The following TUBGCP2 variants were observed in gnomAD, a reference collection of about 807,000 sequenced individuals.
The protein encoded by TUBGCP2 is gamma-tubulin complex component 2.
Under a neutral mutation model 92.2 loss-of-function variants are expected in TUBGCP2, and 55 were observed. That is an observed-to-expected ratio of 0.60 (90% CI 0.48 to 0.75). The LOEUF (loss-of-function observed/expected upper bound fraction) is 0.75, where lower values mean the gene tolerates loss of function less well. Among genes scored for constraint, TUBGCP2 ranks in the 30% least tolerant of loss-of-function variants. TUBGCP2 has a pLI of 0.00. For synonymous variants in TUBGCP2, 533 were observed against 505.2 expected (o/e 1.06, Z -0.74); for missense variants, 1,093 against 1,188.9 (o/e 0.92, Z 1.19).
chr10:133,309,315 G>T, upstream of TUBGCP2: 2 of 1,531,362 alleles, frequency 1.3e-6, no homozygotes, highest in Non-Finnish European at 1.8e-6. Flanking sequence ...CTGGGGCCAC[G>T]GGTGTGGGCG....
chr10:133,293,262 C>T lies in TUBGCP2; in HGVS notation c.825-24G>A. 3 of 1,610,492 alleles carry T rather than the reference C, an allele frequency of 1.9e-6. No homozygotes were observed. In the South Asian group the frequency reaches 3.3e-5, roughly 18 times the overall value. On this transcript the variant is annotated intron_variant, in intron 6 of 17. Coordinates refer to ENST00000252936, the MANE Select transcript of TUBGCP2 (RefSeq NM_006659.4). ...ACCTGGAAGAAAAGCTGTCAGACTT[C>T]CTCAAAAAGGCAAGCTGCAGGCACA...
chr10:133,310,134 C>G (rs1389882357), upstream of TUBGCP2: 1 of 1,613,032 alleles, frequency 6.2e-7, no homozygotes, highest in East Asian at 2.2e-5. Flanking sequence ...GGCCAGGGGT[C>G]AGAGGGAGGT....
intron 1 of TUBGCP2, among the ~76,000 whole-genome samples, chr10:133,303,986 C>G (rs948500473): frequency 1.3e-5 from 2 of 152,248 alleles, no homozygotes; most frequent in African/African-American, 4.8e-5. Flanking sequence ...TACTCTCCCA[C>G]CAGTGGCTGC....
At chr10:133,283,818 T>G in intron 14 of TUBGCP2, 64 bp downstream of exon 14, 1 of 1,596,250 alleles carries the variant, frequency 6.3e-7, no homozygotes, top group South Asian at 1.1e-5. Flanking sequence ...TCTCCTGCAC[T>G]TCCTGTCTCC....
rs1564772265 is a variant in TUBGCP2, at chr10:133,299,507, C to T, written c.376G>A (p.Ala126Thr). 1.2e-6 allele frequency: 2 copies of T among 1,613,594 alleles called. No homozygotes were observed. The highest frequency in any genetic ancestry group is 1.7e-6 in the Non-Finnish European group (2 of 1,180,000). ...AGCTCCTGCATGGAGATCTTGGAGGCCGCGGCAGGGACGTTGATGCTGGTG... is the reference window on the plus strand; with the variant it reads ...AGCTCCTGCATGGAGATCTTGGAGGTCGCGGCAGGGACGTTGATGCTGGTG... ...STTSINVPAA[A>T]SKISMQELEE... is the part of the protein sequence containing the mutation. Residue 126 changes from alanine (A) to threonine (T), a missense_variant, in exon 4 of 18, where the codon GCC becomes ACC. Physicochemically the swap from Ala to Thr is moderately conservative, Grantham distance 58. This residue lies in a region of TUBGCP2 where 490 missense variants were observed against 488.5 expected (regional missense o/e 1.00). Transcript: ENST00000252936.
intron 5 of TUBGCP2, among the ~76,000 whole-genome samples, chr10:133,294,020 C>T (rs1405286387): frequency 6.6e-6 from 1 of 152,230 alleles, no homozygotes; most frequent in African/African-American, 2.4e-5. Context: ...CTCCGCAATG[C>T]TCAGATACAT....
chr10:133,286,107 G>A (rs140583325), intron 11 of TUBGCP2, among the ~76,000 whole-genome samples: 1 of 152,122 alleles, frequency 6.6e-6, no homozygotes, highest in East Asian at 1.9e-4. Flanking sequence ...ATCGCACAAC[G>A]ACAGGACAGG....
chr10:133,298,625 C>A (rs556388096), intron 4 of TUBGCP2, among the ~76,000 whole-genome samples: 1 of 152,394 alleles, frequency 6.6e-6, no homozygotes, highest in South Asian at 2.1e-4. Context: ...CCAGTGGCCG[C>A]CAGAGGCTGA....
In TUBGCP2 at chr10:133,286,599, C is replaced by T. The variant is rs1356204514; in HGVS notation, c.1723-971G>A. Among the ~76,000 whole-genome samples the T allele has an allele frequency of 4.6e-5, 7 of 152,034 alleles. No homozygotes were observed. In the South Asian group the frequency reaches 1.2e-3, roughly 27 times the overall value. ...CCTCCCGCGCGCACGGAACCGAGGGCACATCCTCCTCCCGCGCGCACGGAA... is the reference window on the plus strand; with the variant it reads ...CCTCCCGCGCGCACGGAACCGAGGGTACATCCTCCTCCCGCGCGCACGGAA... On this transcript the variant is annotated intron_variant, in intron 11 of 17. Coordinates refer to ENST00000252936, the MANE Select transcript of TUBGCP2 (RefSeq NM_006659.4).
Position 133,285,112 on chromosome 10 carries a change from T to C in TUBGCP2, c.1997A>G (p.Lys666Arg). Residue 666 changes from lysine to arginine, a missense_variant, in exon 13 of 18, where the codon AAG (lysine) becomes AGG (arginine). Around this residue, in one of 3 missense-constraint regions of TUBGCP2, gnomAD observed 598 missense variants for 675.5 expected, o/e 0.89. Transcript: ENST00000252936. The surrounding 1 kb of genome is among the most constrained non-coding windows in gnomAD (Gnocchi z 6.8). ...CTGGGCGGAGTGCAGCGAGTGCTGC[T>C]TGGCGGTTTTGTTGCTGATCCAGAC... ...CSVWISNKTA[K>R]QHSLHSAQWF... is the part of the protein sequence containing the mutation. 1.2e-6 allele frequency: 2 copies of C among 1,610,940 alleles called. No individual in the cohort carries two copies. Among genetic ancestry groups the C allele is most frequent in the Non-Finnish European group, 1.7e-6 (2 of 1,177,878 alleles).
intron 16 of TUBGCP2, 149 bp downstream of exon 16, chr10:133,282,074 G>GCTTC: frequency 7.7e-7 from 1 of 1,297,118 alleles, no homozygotes; most frequent in South Asian, 1.5e-5. Context: ...TTGTGCTTGT[G>GCTTC]CTTGGAAGCT....
At chr10:133,305,581 G>C (rs1589838335) in intron 1 of TUBGCP2, among the ~76,000 whole-genome samples, 3 of 152,216 alleles carry the variant, frequency 2.0e-5, no homozygotes, top group Non-Finnish European at 4.4e-5. Context: ...CACCGACCCT[G>C]TGGGGCTGGT....
chr10:133,290,305 C>A lies in TUBGCP2; in HGVS notation c.1215-336G>T, dbSNP rs11101678. On this transcript the variant is annotated intron_variant, in intron 8 of 17. Transcript: ENST00000252936. ...GTCAAGAGATCAAGACCATCCTGGC[C>A]AACACAGTGAAACCCCGTCTCTACT... The A allele has an allele frequency of 2.1e-4, 48 of 227,672 alleles. No individual in the cohort carries two copies. The East Asian group carries it at 4.4e-3, about 21-fold the overall frequency. The allele number at this position is 227,672 out of a possible 1,614,324, so 14.1% of individuals were successfully genotyped here.
intron 11 of TUBGCP2, among the ~76,000 whole-genome samples, chr10:133,287,228 T>C (rs911720101): frequency 3.9e-5 from 6 of 152,154 alleles, no homozygotes; most frequent in African/African-American, 1.4e-4. Flanking sequence ...TGAGCAGACC[T>C]GTGGCCAGCA....
intron 13 of TUBGCP2, 89 bp from the exon 14 acceptor site, chr10:133,284,091 G>C: frequency 6.4e-7 from 1 of 1,553,196 alleles, no homozygotes; most frequent in Non-Finnish European, 8.7e-7. Context: ...GGACAGCCAT[G>C]GAGGACGTTC....
chr10:133,309,193 T>C, upstream of TUBGCP2: 9 of 1,294,942 alleles, frequency 7.0e-6, no homozygotes, highest in Non-Finnish European at 9.0e-6. Context: ...GGCCTACGAC[T>C]GCGGGGCGGG....
At position 133,283,959 on chromosome 10, in the gene TUBGCP2, C is replaced by T. The variant is rs773124540; in HGVS notation, c.2068G>A (p.Val690Ile). The change falls in exon 14 of 18, where the codon GTC becomes ATC. Residue 690 changes from valine to isoleucine, a missense_variant. Around this residue, in one of 3 missense-constraint regions of TUBGCP2, gnomAD observed 598 missense variants for 675.5 expected, o/e 0.89. Transcript: ENST00000252936. ...FTLRQRMLNF[V>I]QNIQYYMMFE... The stretch of plus-strand genomic sequence containing the variant: ...ATCATGTAGTATTGAATATTCTGGA[C>T]GAAGTTGAGCATTCGCTGCCGCAGA... The T allele has an allele frequency of 4.3e-6, 7 of 1,614,000 alleles. No individual in the cohort carries two copies. The Admixed American group carries it at 5.0e-5, about 12-fold the overall frequency.
At chr10:133,297,408 AAAAT>A in intron 5 of TUBGCP2, 1 of 452,432 alleles carries the variant, frequency 2.2e-6, no homozygotes, top group Non-Finnish European at 4.4e-6. Flanking sequence ...AAAAGAACTA[AAAAT>A]AAATAAAAAT....
At position 133,281,508 on chromosome 10, in the gene TUBGCP2, C is replaced by T. The variant is rs1490669571; in HGVS notation, c.2410-72G>A. On this transcript the variant is annotated intron_variant, in intron 16 of 17. Coordinates refer to ENST00000252936, the MANE Select transcript of TUBGCP2 (RefSeq NM_006659.4). ...GGCCTTCTTGGCTCCACACTGTTCC[C>T]AGCAGGCCGGTGTCCTTTCCCTTCC... The T allele has an allele frequency of 1.8e-5, 28 of 1,552,234 alleles. No homozygotes were observed. The East Asian group carries it at 5.7e-4, about 31-fold the overall frequency.
Sources: gnomAD v4.1 joint callset for allele counts (sites outside exome capture counted in the v4.1 genomes callset) on GRCh38, gnomAD v4.1.1 for gene constraint, gnomAD v4.1.1 regional missense constraint, Gnocchi (gnomAD v3.1) non-coding constraint, MANE v1.5 for transcripts, NCBI Gene and HGNC (gene_info 2026-07-23, HGNC 2026-07-21) for gene names.